FBXL17: variants seen among roughly 807,000 people sequenced by gnomAD.
FBXL17 encodes F-box and leucine rich repeat protein 17.
FBXL17 carries 22 observed loss-of-function variants against 66.2 expected under a neutral mutation model. The observed-to-expected ratio is 0.33, with a 90% CI of 0.24 to 0.47. The LOEUF (loss-of-function observed/expected upper bound fraction) is 0.47, where lower values mean the gene tolerates loss of function less well. Among genes scored for constraint, FBXL17 ranks in the 20% least tolerant of loss-of-function variants. The probability of loss-of-function intolerance (pLI) is 1.00; values close to 1 mark genes in which losing one functional copy is unlikely to be tolerated. For synonymous variants in FBXL17, 474 were observed against 400.5 expected, an observed-to-expected ratio of 1.18 and a Z score of -2.19; for missense variants, 878 against 948.2, an observed-to-expected ratio of 0.93 and a Z score of 0.97.
At chr5:108,297,084 T>G (rs926478585) in intron 4 of FBXL17, among the ~76,000 whole-genome samples, 1 of 151,540 alleles carries the variant, frequency 6.6e-6, no homozygotes. Context: ...CCTTCTTCAA[T>G]TGGATAATCT....
chr5:107,863,739 T>A (rs1193234586), intron 8 of FBXL17, among the ~76,000 whole-genome samples: 1 of 152,188 alleles, frequency 6.6e-6, no homozygotes, highest in South Asian at 2.1e-4. Context: ...AATCCAAGAA[T>A]AAGGCAAAGC....
intron 7 of FBXL17, among the ~76,000 whole-genome samples, chr5:107,939,110 T>G (rs927201895): frequency 6.6e-6 from 1 of 152,178 alleles, no homozygotes; most frequent in African/African-American, 2.4e-5. Flanking sequence ...TCATGAATGA[T>G]CATTATCATC....
intron 6 of FBXL17, among the ~76,000 whole-genome samples, chr5:108,068,209 T>G (rs1328366743): frequency 6.6e-6 from 1 of 152,184 alleles, no homozygotes; most frequent in Non-Finnish European, 1.5e-5. Context: ...ACAAAGTTGT[T>G]AATTTTTGCT....
intron 4 of FBXL17, among the ~76,000 whole-genome samples, chr5:108,265,961 T>C (rs1225829100): frequency 6.6e-6 from 1 of 152,194 alleles, no homozygotes; most frequent in East Asian, 1.9e-4. Context: ...ATATGGTTCT[T>C]CATATACAGA....
intron 6 of FBXL17, among the ~76,000 whole-genome samples, chr5:108,104,554 G>C (rs72789263): frequency 0.055 from 8,309 of 152,238 alleles, 399 homozygotes; most frequent in African/African-American, 0.13. Flanking sequence ...TGATGGAGAA[G>C]AACAAAAGTT....
At chr5:107,905,416 A>C (rs1749720101) in intron 7 of FBXL17, among the ~76,000 whole-genome samples, 1 of 152,138 alleles carries the variant, frequency 6.6e-6, no homozygotes, top group Non-Finnish European at 1.5e-5. Context: ...TTGATTTCTC[A>C]TATAATCTAC....
At chr5:107,982,097 T>C (rs1217445459) in intron 7 of FBXL17, among the ~76,000 whole-genome samples, 8 of 152,060 alleles carry the variant, frequency 5.3e-5, no homozygotes, top group Non-Finnish European at 1.2e-4. Context: ...TCATATAATA[T>C]CTTAAGGTTA....
intron 7 of FBXL17, among the ~76,000 whole-genome samples, chr5:107,966,413 G>T (rs1174035745): frequency 6.6e-6 from 1 of 151,856 alleles, no homozygotes; most frequent in Non-Finnish European, 1.5e-5. Context: ...TTTCCTGCCA[G>T]GATGGAAGTG....
chr5:108,340,549 C>A (rs1240505572), intron 4 of FBXL17, among the ~76,000 whole-genome samples: 1 of 152,074 alleles, frequency 6.6e-6, no homozygotes, highest in African/African-American at 2.4e-5. Flanking sequence ...TTGTTAATGA[C>A]AATTATGCCA....
At chr5:108,144,354 C>T (rs1214135591) in intron 6 of FBXL17, among the ~76,000 whole-genome samples, 2 of 152,134 alleles carry the variant, frequency 1.3e-5, no homozygotes, top group African/African-American at 4.8e-5. Flanking sequence ...TAGGTATTCT[C>T]ATGGACCAAA....
intron 4 of FBXL17, among the ~76,000 whole-genome samples, chr5:108,282,070 G>T (rs763920141): frequency 4.6e-5 from 7 of 151,748 alleles, no homozygotes; most frequent in Non-Finnish European, 8.9e-5. Flanking sequence ...GGACCAGATG[G>T]ATTCACAGCC....
At chr5:108,134,210 A>C (rs1474535623) in intron 6 of FBXL17, among the ~76,000 whole-genome samples, 4 of 152,164 alleles carry the variant, frequency 2.6e-5, no homozygotes, top group Admixed American at 1.3e-4. Context: ...TTATGTGAAC[A>C]AAAAACCCCC....
At chr5:107,916,464 A>T (rs571671540) in intron 7 of FBXL17, among the ~76,000 whole-genome samples, 67 of 152,344 alleles carry the variant, frequency 4.4e-4, no homozygotes, top group African/African-American at 1.4e-3. Flanking sequence ...CCTCCTGCTT[A>T]ACTTTGTAAA....
chr5:108,062,853 A>G (rs1747977813), intron 6 of FBXL17, among the ~76,000 whole-genome samples: 1 of 152,216 alleles, frequency 6.6e-6, no homozygotes, highest in Admixed American at 6.5e-5. Context: ...TTTCCAAAGC[A>G]GAGAGCTTTC....
intron 6 of FBXL17, among the ~76,000 whole-genome samples, chr5:108,177,540 C>T (rs1016252042): frequency 6.6e-6 from 1 of 152,054 alleles, no homozygotes; most frequent in Admixed American, 6.6e-5. Context: ...AGCAGCAGCA[C>T]AAATACTAAA....
At chr5:108,190,830 T>C (rs1753442577) in intron 5 of FBXL17, among the ~76,000 whole-genome samples, 1 of 152,184 alleles carries the variant, frequency 6.6e-6, no homozygotes, top group African/African-American at 2.4e-5. Context: ...TAGCTTTCTT[T>C]ATAGGGCGTT....
intron 8 of FBXL17, among the ~76,000 whole-genome samples, chr5:107,870,450 G>A (rs1471574311): frequency 6.6e-6 from 1 of 152,198 alleles, no homozygotes; most frequent in East Asian, 1.9e-4. Context: ...CAAAGCCAAA[G>A]GTGGCTTCCA....
chr5:107,879,255 T>G, intron 8 of FBXL17: 3 of 985,458 alleles, frequency 3.0e-6, no homozygotes, highest in Non-Finnish European at 3.6e-6. Flanking sequence ...TGTGTACATT[T>G]TGGTAGCTTT....
chr5:108,051,973 T>G, intron 6 of FBXL17, among the ~76,000 whole-genome samples: 1 of 150,206 alleles, frequency 6.7e-6, no homozygotes, highest in East Asian at 1.9e-4. Flanking sequence ...ACTAGCCGGG[T>G]CTGGTGGCGG....
Sources: allele counts gnomAD v4.1 joint callset (sites outside exome capture counted in the v4.1 genomes callset), GRCh38; gene constraint gnomAD v4.1.1; transcripts MANE v1.5; gene names NCBI Gene and HGNC (gene_info 2026-07-23, HGNC 2026-07-21).